MED12L: variants seen among roughly 807,000 people sequenced by gnomAD.
The protein encoded by MED12L is mediator complex subunit 12L.
MED12L carries 60 observed loss-of-function variants against 281.3 expected under a neutral mutation model. The ratio of observed to expected loss-of-function variants is 0.21; its 90% confidence interval spans 0.17 to 0.26. MED12L has a LOEUF of 0.26. MED12L is among the 10% of genes least tolerant of loss of function. The pLI is 1.00. For missense variants in MED12L, 2,146 were observed against 2,680.9 expected (o/e 0.80, Z 4.41); for synonymous variants, 974 against 987.2 (o/e 0.99, Z 0.25).
chr3:151,243,985 G>C (rs1229956662), intron 16 of MED12L, among the ~76,000 whole-genome samples: 3 of 142,244 alleles, frequency 2.1e-5, no homozygotes, highest in Non-Finnish European at 4.7e-5. Context: ...TGATAAAACA[G>C]ACTTTAAACC....
At chr3:151,103,885 C>T (rs1273645688) in intron 2 of MED12L, among the ~76,000 whole-genome samples, 2 of 152,186 alleles carry the variant, frequency 1.3e-5, no homozygotes, top group African/African-American at 2.4e-5. Flanking sequence ...CATTTTACTT[C>T]TCACCTCTCA....
intron 41 of MED12L, among the ~76,000 whole-genome samples, chr3:151,412,299 T>G (rs1717023611): frequency 1.3e-5 from 2 of 152,204 alleles, no homozygotes; most frequent in South Asian, 4.1e-4. Flanking sequence ...TCTTACTAAG[T>G]TTTGATCAGG....
chr3:151,341,039 A>G (rs1475196919), intron 16 of MED12L, among the ~76,000 whole-genome samples: 1 of 152,174 alleles, frequency 6.6e-6, no homozygotes, highest in Non-Finnish European at 1.5e-5. Context: ...CCAAGTTGAG[A>G]TCAAGCCTTC....
chr3:151,388,919 A>G (rs1002556362), intron 37 of MED12L, among the ~76,000 whole-genome samples: 3 of 152,248 alleles, frequency 2.0e-5, no homozygotes, highest in Admixed American at 2.0e-4. Context: ...GACATTTTTA[A>G]TGAAATTCCA....
At chr3:151,273,368 C>T (rs943507046) in intron 16 of MED12L, among the ~76,000 whole-genome samples, 4 of 148,696 alleles carry the variant, frequency 2.7e-5, no homozygotes, top group Non-Finnish European at 4.4e-5. Context: ...GCTGGGATTA[C>T]AGGCACACAC....
In MED12L at chr3:151,329,441, A is replaced by G. The variant is rs1330413940; in HGVS notation, c.2251-20618A>G. ...TTTTCCCTTAAGCATATTCTTTTAT[A>G]TAAGCAAGCACACTCATAATAACAA... On this transcript the variant is annotated intron_variant, in intron 16 of 44. Coordinates refer to ENST00000687756, the MANE Select transcript of MED12L (RefSeq NM_001393769.1). The G allele has an allele frequency of 6.8e-6, 9 of 1,330,716 alleles. No homozygotes were observed. The Admixed American group carries it at 1.9e-4, about 29-fold the overall frequency. 82.4% of individuals were successfully genotyped at this position (1,330,716 alleles called of 1,614,324 possible). A position where few individuals can be genotyped will look rare whatever the true frequency, so the allele number is the denominator to read the frequency against.
chr3:151,411,608 C>T, intron 41 of MED12L, 101 bp downstream of exon 41: 1 of 1,063,966 alleles, frequency 9.4e-7, no homozygotes, highest in African/African-American at 1.6e-5. Context: ...TTTTTATGAG[C>T]TTGCATATTT....
intron 16 of MED12L, among the ~76,000 whole-genome samples, chr3:151,290,202 CAA>C (rs1485323184): frequency 2.0e-5 from 3 of 152,136 alleles, no homozygotes; most frequent in Admixed American, 2.0e-4. Flanking sequence ...TAACATAATT[CAA>C]AGAGAAGTTG....
chr3:151,133,806 A>G (rs960055629), intron 5 of MED12L, among the ~76,000 whole-genome samples: 1 of 152,250 alleles, frequency 6.6e-6, no homozygotes, highest in African/African-American at 2.4e-5. Flanking sequence ...ATTATTTAAA[A>G]CAGGCTAGCT....
Position 151,190,894 on chromosome 3 carries a change from A to G in MED12L, c.1931A>G (p.Asp644Gly), listed in dbSNP as rs373175945. ...RPRSPVGENA[D>G]EHYSKDHDVK... ...CGGTCACCAGTAGGGGAAAATGCAG[A>G]TGAACACTATTCAAAGGACCATGAT... Residue 644 changes from aspartate to glycine, a missense_variant, in exon 14 of 45, where the codon GAT (aspartate) becomes GGT (glycine). By Grantham distance (94) the Asp-to-Gly change is moderately conservative. This residue lies in a region of MED12L where 722 missense variants were observed against 861.2 expected (regional missense o/e 0.84). Transcript: ENST00000687756. The G allele has an allele frequency of 6.4e-5, 103 of 1,614,106 alleles. 1 individual carries two copies. In the East Asian group the frequency reaches 1.6e-3, roughly 24 times the overall value.
At chr3:151,417,911 C>G (rs2108401207) in intron 43 of MED12L, among the ~76,000 whole-genome samples, 1 of 152,290 alleles carries the variant, frequency 6.6e-6, no homozygotes, top group African/African-American at 2.4e-5. Flanking sequence ...TGTAAAACTG[C>G]ACTGCCTGCC....
chr3:151,102,102 C>T (rs1433776367), intron 2 of MED12L, among the ~76,000 whole-genome samples: 1 of 152,118 alleles, frequency 6.6e-6, no homozygotes, highest in Non-Finnish European at 1.5e-5. Context: ...TCCCACCCAC[C>T]CTGTGACTTC....
intron 16 of MED12L, among the ~76,000 whole-genome samples, chr3:151,265,271 T>A (rs771516258): frequency 2.6e-5 from 4 of 152,222 alleles, no homozygotes; most frequent in Non-Finnish European, 4.4e-5. Context: ...TAAATAGTCA[T>A]CATGGAAACT....
chr3:151,256,737 A>C (rs1006674805), intron 16 of MED12L, among the ~76,000 whole-genome samples: 3 of 152,090 alleles, frequency 2.0e-5, no homozygotes, highest in African/African-American at 7.2e-5. Context: ...TTCTTAGGTA[A>C]GGAGAACAAA....
rs1270697654 is a variant in MED12L, at chr3:151,435,788, G to A, written c.*2984G>A. 1.3e-5 allele frequency: 2 copies of A among 152,026 alleles called. No individual in the cohort carries two copies. Among genetic ancestry groups the A allele is most frequent in the Non-Finnish European group, 2.9e-5 (2 of 68,012 alleles). The allele number at this position is 152,026 out of a possible 1,614,324, so 9.4% of individuals were successfully genotyped here. On this transcript the variant is annotated 3_prime_UTR_variant, in exon 45 of 45. Coordinates refer to ENST00000687756, the MANE Select transcript of MED12L (RefSeq NM_001393769.1). The stretch of plus-strand genomic sequence containing the variant: ...AGTGAATTACAAAAACACATTTTGT[G>A]TAGGATTGATCAGATTTTAAATACA...
chr3:151,184,893 G>C (rs1424683567), intron 11 of MED12L, among the ~76,000 whole-genome samples: 1 of 152,192 alleles, frequency 6.6e-6, no homozygotes, highest in Non-Finnish European at 1.5e-5. Flanking sequence ...AACCTGGCTT[G>C]TCAGAATTAT....
chr3:151,122,714 TA>T (rs1713939835), intron 3 of MED12L, 68 bp from the exon 4 acceptor site: 2 of 1,027,934 alleles, frequency 1.9e-6, no homozygotes, highest in Middle Eastern at 4.5e-4. Flanking sequence ...TAAAGAAAAA[TA>T]CTAATGTACA....
intron 21 of MED12L, among the ~76,000 whole-genome samples, chr3:151,361,880 C>A (rs1254413919): frequency 1.3e-5 from 2 of 152,120 alleles, no homozygotes; most frequent in Non-Finnish European, 2.9e-5. Context: ...TTGCTACCCC[C>A]ACAGGCAGCA....
At position 151,332,560 on chromosome 3, in the gene MED12L, A is replaced by G. The variant is rs1048586082; in HGVS notation, c.2251-17499A>G. On this transcript the variant is annotated intron_variant, in intron 16 of 44. Transcript: ENST00000687756. ...GTAGCTAGAGATAGGCAATAAATTCACTGCTATTTGGAACATTTAATATTT... is the reference window on the plus strand; with the variant it reads ...GTAGCTAGAGATAGGCAATAAATTCGCTGCTATTTGGAACATTTAATATTT... Among the ~76,000 whole-genome samples the G allele has an allele frequency of 3.3e-5, 5 of 152,236 alleles. No homozygotes were observed. In the East Asian group the frequency reaches 7.7e-4, roughly 23 times the overall value.
Sources: gnomAD v4.1 joint callset for allele counts (sites outside exome capture counted in the v4.1 genomes callset) on GRCh38, gnomAD v4.1.1 for gene constraint, gnomAD v4.1.1 regional missense constraint, MANE v1.5 for transcripts, NCBI Gene and HGNC (gene_info 2026-07-23, HGNC 2026-07-21) for gene names.